Variants in SGSM3 observed in about 807,000 individuals in gnomAD.
The protein encoded by SGSM3 is small G protein signaling modulator 3, also known as RUN and SH3 containing 3.
A neutral mutation model predicts 100.5 loss-of-function variants in SGSM3; 96 were observed. That is an observed-to-expected ratio of 0.96 (90% confidence interval 0.81 to 1.13). The LOEUF (loss-of-function observed/expected upper bound fraction) is 1.13, where lower values mean the gene tolerates loss of function less well. Ranked by LOEUF, SGSM3 falls within the 50% of genes most tolerant of loss-of-function variation. SGSM3 has a pLI of 0.00. For missense variants in SGSM3, 1,001 were observed against 1,015.8 expected, an observed-to-expected ratio of 0.99 and a Z score of 0.20; for synonymous variants, 483 against 422.8, an observed-to-expected ratio of 1.14 and a Z score of -1.75.
intron 1 of SGSM3, among the ~76,000 whole-genome samples, chr22:40,378,994 C>A (rs907649467): frequency 5.3e-5 from 8 of 152,180 alleles, no homozygotes; most frequent in African/African-American, 1.9e-4. Context: ...GGTGTTTGCT[C>A]AGATTTTTCT....
At chr22:40,377,083 C>T (rs1178519980) in intron 1 of SGSM3, among the ~76,000 whole-genome samples, 2 of 152,204 alleles carry the variant, frequency 1.3e-5, no homozygotes, top group Non-Finnish European at 2.9e-5. Flanking sequence ...TTTGAAGCAT[C>T]ACATTTTGAG....
chr22:40,407,681 T>C lies in SGSM3; in HGVS notation c.1525-108T>C. 2 of 1,578,706 alleles carry C rather than the reference T, an allele frequency of 1.3e-6. No individual in the cohort carries two copies. The highest frequency in any genetic ancestry group is 1.7e-6 in the Non-Finnish European group (2 of 1,151,324). On this transcript the variant is annotated intron_variant, in intron 13 of 21. Coordinates refer to ENST00000248929, the MANE Select transcript of SGSM3 (RefSeq NM_015705.6). The surrounding 1 kb of genome is among the most constrained non-coding windows in gnomAD (Gnocchi z 4.7). ...CTGCCAAGAGCTTCTCTTGTGAAGA[T>C]GTAGGGGTCTTGGCCTGGCCTAGTT...
intron 19 of SGSM3, 21 bp downstream of exon 19, chr22:40,409,039 G>A: frequency 2.6e-6 from 4 of 1,556,130 alleles, no homozygotes; most frequent in Non-Finnish European, 3.5e-6. Context: ...AAAAGGGGTT[G>A]GAGGAGAGCC....
chr22:40,407,466 C>T lies in SGSM3; in HGVS notation c.1422C>T (p.Tyr474=), dbSNP rs138043758. 118 of 1,612,374 alleles carry T rather than the reference C, an allele frequency of 7.3e-5. No individual in the cohort carries two copies. Among genetic ancestry groups the T allele is most frequent in the African/African-American group, 3.7e-4 (28 of 75,066 alleles). The stretch of plus-strand genomic sequence containing the variant: ...GCCACCAGCGGGACCACGAGAACTA[C>T]GTGGCGTGCTCACGCAGCCACCGGC... ...MESHQRDHEN[Y]VACSRSHRRR... is the part of the protein sequence containing the mutation. Residue 474 remains tyrosine, a synonymous_variant, in exon 13 of 22, where the codon TAC becomes TAT. Coordinates refer to ENST00000248929, the MANE Select transcript of SGSM3 (RefSeq NM_015705.6). This position sits in a 1 kb window ranked among gnomAD's most constrained non-coding sequence, Gnocchi z 4.7.
chr22:40,383,229 AGGCCGAGGCG>A (rs2047860937), intron 1 of SGSM3, among the ~76,000 whole-genome samples: 1 of 152,066 alleles, frequency 6.6e-6, no homozygotes, highest in Non-Finnish European at 1.5e-5. Flanking sequence ...GCACTTTGGG[AGGCCGAGGCG>A]GGCAGATCAC....
intron 1 of SGSM3, among the ~76,000 whole-genome samples, chr22:40,389,056 T>C (rs1326746392): frequency 6.6e-6 from 1 of 152,108 alleles, no homozygotes; most frequent in Non-Finnish European, 1.5e-5. Flanking sequence ...TAGATGTTAA[T>C]TGAAGTTGTG....
rs538575643 is a variant in SGSM3 at position 40,378,685 on chromosome 22, A to G, written c.-112+7997A>G. The stretch of plus-strand genomic sequence containing the variant: ...AGGTTGCAGTGAGCTGAGATCACAC[A>G]CTGCACTCCAGCCTGGGTGACAGAG... On this transcript the variant is annotated intron_variant, in intron 1 of 21. Transcript: ENST00000248929. Among the ~76,000 whole-genome samples, 10 of 152,162 alleles carry G rather than the reference A, an allele frequency of 6.6e-5. No individual in the cohort carries two copies. In the South Asian group the frequency reaches 2.1e-3, roughly 32 times the overall value.
intron 4 of SGSM3, 139 bp from the exon 5 acceptor site, chr22:40,404,108 C>G (rs1183765294): frequency 1.6e-6 from 1 of 629,962 alleles, no homozygotes; most frequent in Non-Finnish European, 2.6e-6. Flanking sequence ...AAGCCATTAG[C>G]TATGGGAATC....
At chr22:40,408,039 G>GTTGC in intron 14 of SGSM3, 32 bp from the exon 15 acceptor site, 1 of 1,610,180 alleles carries the variant, frequency 6.2e-7, no homozygotes, top group Non-Finnish European at 8.5e-7. Context: ...GGCCCTCGTG[G>GTTGC]TTGCTCCTTA....
chr22:40,372,363 G>T (rs1349291403), intron 1 of SGSM3, among the ~76,000 whole-genome samples: 1 of 151,568 alleles, frequency 6.6e-6, no homozygotes, highest in Non-Finnish European at 1.5e-5. Context: ...CTGACCTCGT[G>T]ATCTGCCCGC....
At chr22:40,400,561 T>C in intron 1 of SGSM3, 135 bp from the exon 2 acceptor site, 1 of 377,262 alleles carries the variant, frequency 2.7e-6, no homozygotes, top group Non-Finnish European at 4.9e-6. Flanking sequence ...AAGAATCTCT[T>C]GAACCCAGGA....
rs757051312 is a variant in SGSM3 at position 40,409,346 on chromosome 22, C to A, written c.2085C>A (p.Gly695=). Residue 695 remains glycine, a synonymous_variant, in exon 20 of 22, where the codon GGC becomes GGA. Transcript: ENST00000248929. ...CCTGGTCCTTCCTGCGCAGCCCGGG[C>A]TGGGTCCAGATCAAGTGTGAGCTCC... ...YQPWSFLRSP[G]WVQIKCELRV... is the part of the protein sequence containing the mutation. 16 of 1,610,996 alleles carry A rather than the reference C, an allele frequency of 9.9e-6. No homozygotes were observed. The highest frequency in any genetic ancestry group is 1.2e-5 in the Non-Finnish European group (14 of 1,178,478).
Position 40,408,215 on chromosome 22 carries a change from A to T in SGSM3, c.1630-62A>T, listed in dbSNP as rs1462766185. 4 of 1,607,480 alleles carry T rather than the reference A, an allele frequency of 2.5e-6. No individual in the cohort carries two copies. The African/African-American group carries it at 5.3e-5, about 21-fold the overall frequency. ...TGGCCTGTAGCATGGCAGAGAGGAC[A>T]GAGGAGGGTGACTGGCTGCAGGCGT... On this transcript the variant is annotated intron_variant, in intron 15 of 21. Transcript: ENST00000248929.
Position 40,385,954 on chromosome 22 carries a change from C to T in SGSM3, c.-111-14742C>T, listed in dbSNP as rs193124060. ...GCAGCGTCGACCTCCCGGGCCCAGGCGATTCTCCTATCTCAACTTCCCAGG... is the reference window on the plus strand; with the variant it reads ...GCAGCGTCGACCTCCCGGGCCCAGGTGATTCTCCTATCTCAACTTCCCAGG... On this transcript the variant is annotated intron_variant, in intron 1 of 21. Coordinates refer to ENST00000248929, the MANE Select transcript of SGSM3 (RefSeq NM_015705.6). Among the ~76,000 whole-genome samples the T allele has an allele frequency of 8.5e-5, 13 of 152,116 alleles. No homozygotes were observed. In the East Asian group the frequency reaches 1.9e-3, roughly 23 times the overall value.
intron 1 of SGSM3, among the ~76,000 whole-genome samples, chr22:40,396,529 GT>G (rs2050062823): frequency 6.7e-6 from 1 of 148,600 alleles, no homozygotes; most frequent in South Asian, 2.1e-4. Context: ...GGAGGTGGAG[GT>G]TGCAGTGAGC....
chr22:40,379,748 A>G (rs1464305460), intron 1 of SGSM3, among the ~76,000 whole-genome samples: 1 of 152,020 alleles, frequency 6.6e-6, no homozygotes, highest in Non-Finnish European at 1.5e-5. Context: ...TCACTTTGTC[A>G]CCCAGGCTGG....
chr22:40,387,078 A>G (rs1460702432), intron 1 of SGSM3: 2 of 394,288 alleles, frequency 5.1e-6, no homozygotes, highest in Non-Finnish European at 8.9e-6. Context: ...GTTGATAACT[A>G]GAGTTGTGCT....
intron 21 of SGSM3, 41 bp downstream of exon 21, chr22:40,409,566 T>TG: frequency 1.9e-6 from 3 of 1,612,468 alleles, no homozygotes; most frequent in Non-Finnish European, 2.5e-6. Context: ...CTGATGGAGC[T>TG]GCCCAAACCG....
intron 1 of SGSM3, among the ~76,000 whole-genome samples, chr22:40,392,036 C>G (rs1237632575): frequency 6.6e-6 from 1 of 152,184 alleles, no homozygotes; most frequent in Non-Finnish European, 1.5e-5. Flanking sequence ...GTAAGTATCT[C>G]TTTTCCTTTA....
Sources: gnomAD v4.1 joint callset for allele counts (sites outside exome capture counted in the v4.1 genomes callset) on GRCh38, gnomAD v4.1.1 for gene constraint, Gnocchi (gnomAD v3.1) non-coding constraint, MANE v1.5 for transcripts, NCBI Gene and HGNC (gene_info 2026-07-23, HGNC 2026-07-21) for gene names.